SCLT1: variants seen among roughly 807,000 people sequenced by gnomAD.
The protein encoded by SCLT1 is sodium channel and clathrin linker 1, also known as sodium channel-associated protein 1.
A neutral mutation model predicts 112.8 loss-of-function variants in SCLT1; 78 were observed. The observed-to-expected ratio is 0.69, with a 90% CI of 0.58 to 0.83. SCLT1 has a LOEUF of 0.83. SCLT1 is among the 40% of genes least tolerant of loss of function. The pLI, the probability that SCLT1 is intolerant of heterozygous loss-of-function variation, is 0.00. For missense variants in SCLT1, 747 were observed against 770.4 expected, an observed-to-expected ratio of 0.97 and a Z score of 0.36; for synonymous variants, 257 against 254.7, an observed-to-expected ratio of 1.01 and a Z score of -0.09.
intron 4 of SCLT1, among the ~76,000 whole-genome samples, chr4:129,041,544 A>G (rs969928238): frequency 1.3e-5 from 2 of 152,180 alleles, no homozygotes; most frequent in Non-Finnish European, 2.9e-5. Context: ...AGCTCTAATC[A>G]TCTTATTCCC....
At chr4:128,912,933 T>G (rs924118996) in intron 18 of SCLT1, among the ~76,000 whole-genome samples, 1 of 152,218 alleles carries the variant, frequency 6.6e-6, no homozygotes, top group Admixed American at 6.5e-5. Flanking sequence ...AACTGCAATC[T>G]TGACTATTTA....
At chr4:128,909,806 T>C (rs1203607520) in intron 18 of SCLT1, among the ~76,000 whole-genome samples, 2 of 152,142 alleles carry the variant, frequency 1.3e-5, no homozygotes, top group Non-Finnish European at 2.9e-5. Flanking sequence ...GACTGGAGCA[T>C]AAAGAACTTG....
chr4:129,090,254 T>C (rs891689758), intron 1 of SCLT1, among the ~76,000 whole-genome samples: 1 of 152,138 alleles, frequency 6.6e-6, no homozygotes, highest in African/African-American at 2.4e-5. Context: ...CTGCAATAAT[T>C]AAGACAGTGG....
chr4:128,918,243 C>G (rs1042301004), intron 18 of SCLT1, among the ~76,000 whole-genome samples: 1 of 152,090 alleles, frequency 6.6e-6, no homozygotes, highest in African/African-American at 2.4e-5. Context: ...TGTCTGATGA[C>G]AGATATTGGA....
intron 1 of SCLT1, among the ~76,000 whole-genome samples, chr4:129,082,970 T>C (rs1255705296): frequency 6.6e-6 from 1 of 151,834 alleles, no homozygotes; most frequent in Non-Finnish European, 1.5e-5. Context: ...GGCAGATGGA[T>C]CACTTGAGGT....
intron 18 of SCLT1, among the ~76,000 whole-genome samples, chr4:128,895,503 C>A (rs948267835): frequency 6.6e-6 from 1 of 152,172 alleles, no homozygotes; most frequent in Non-Finnish European, 1.5e-5. Flanking sequence ...TTGTGTTTTT[C>A]GGATTTCCCA....
chr4:128,902,342 A>G (rs927896493), intron 18 of SCLT1, among the ~76,000 whole-genome samples: 4 of 152,210 alleles, frequency 2.6e-5, no homozygotes, highest in African/African-American at 9.7e-5. Context: ...TGTTGTATGA[A>G]CACCACAGAG....
chr4:129,063,553 G>A (rs1176183089), intron 2 of SCLT1, among the ~76,000 whole-genome samples: 1 of 152,206 alleles, frequency 6.6e-6, no homozygotes, highest in Non-Finnish European at 1.5e-5. Context: ...TCTAGGGGGT[G>A]CACATGACAG....
At chr4:129,015,068 T>G (rs191629550) in intron 5 of SCLT1, among the ~76,000 whole-genome samples, 1 of 152,046 alleles carries the variant, frequency 6.6e-6, no homozygotes, top group Non-Finnish European at 1.5e-5. Flanking sequence ...GAAGTATTAG[T>G]GCAACAGTGG....
rs566639161 is a variant in SCLT1 at position 129,079,621 on chromosome 4, T to C, written c.102+2685A>G. ...CTGCAGCTGCTTTCACAGTCTGGCA[T>C]TGAGTGCCTGAGGCTTTTCCAGGCA... On this transcript the variant is annotated intron_variant, in intron 2 of 20. Transcript: ENST00000281142. Among the ~76,000 whole-genome samples the C allele has an allele frequency of 3.3e-5, 5 of 152,332 alleles. No individual in the cohort carries two copies. In the East Asian group the frequency reaches 9.7e-4, roughly 29 times the overall value.
intron 18 of SCLT1, among the ~76,000 whole-genome samples, chr4:128,905,380 C>G (rs1263508511): frequency 6.6e-6 from 1 of 152,186 alleles, no homozygotes; most frequent in Admixed American, 6.5e-5. Context: ...ATTGCCAAAA[C>G]TACTGTAAAA....
intron 5 of SCLT1, among the ~76,000 whole-genome samples, chr4:129,029,780 G>C (rs997680032): frequency 6.6e-6 from 1 of 152,008 alleles, no homozygotes; most frequent in African/African-American, 2.4e-5. Flanking sequence ...CTAAATATAT[G>C]TGTACCAAAT....
intron 5 of SCLT1, among the ~76,000 whole-genome samples, chr4:129,026,514 C>T (rs1055284005): frequency 2.0e-5 from 3 of 151,914 alleles, no homozygotes; most frequent in Non-Finnish European, 2.9e-5. Flanking sequence ...AGAACAAAGA[C>T]ACAACATACC....
chr4:129,053,117 T>C (rs191117607), intron 2 of SCLT1, among the ~76,000 whole-genome samples: 8 of 152,354 alleles, frequency 5.3e-5, no homozygotes, highest in Admixed American at 3.3e-4. Flanking sequence ...TTCCATTCTT[T>C]TGAATTTGCT....
At chr4:128,877,525 C>T (rs1056002308) in intron 3 of SCLT1, among the ~76,000 whole-genome samples, 2 of 151,906 alleles carry the variant, frequency 1.3e-5, no homozygotes, top group African/African-American at 4.8e-5. Context: ...ACTAAAACTA[C>T]AAAAAATTAG....
At chr4:128,931,865 C>T (rs1184922996) in intron 18 of SCLT1, among the ~76,000 whole-genome samples, 1 of 152,014 alleles carries the variant, frequency 6.6e-6, no homozygotes, top group African/African-American at 2.4e-5. Context: ...GCTTTGAATC[C>T]TGTCTTCTGT....
chr4:129,028,414 C>A lies in SCLT1; in HGVS notation c.290+10627G>T, dbSNP rs554437814. On this transcript the variant is annotated intron_variant, in intron 5 of 20. Transcript: ENST00000281142. ...TGATCTTTGACAAACCTGAGAAAAA[C>A]AAGCAATGGGGAAAGGATTCCCTAT... 1.9e-3 allele frequency among the ~76,000 whole-genome samples: 290 copies of A among 152,186 alleles called. 1 individual carries two copies. The highest frequency in any genetic ancestry group is 6.7e-3 in the African/African-American group (280 of 41,512).
At chr4:129,074,072 T>C (rs1001990629) in intron 2 of SCLT1, among the ~76,000 whole-genome samples, 12 of 152,186 alleles carry the variant, frequency 7.9e-5, no homozygotes, top group Non-Finnish European at 1.6e-4. Flanking sequence ...TATATTTCTT[T>C]TGTCACCCTT....
In SCLT1 at chr4:128,888,419, T is replaced by C. The variant is rs1733055962; in HGVS notation, c.2004+260A>G. 3.9e-5 allele frequency among the ~76,000 whole-genome samples: 6 copies of C among 152,222 alleles called. No individual in the cohort carries two copies. In the South Asian group the frequency reaches 1.2e-3, roughly 32 times the overall value. On this transcript the variant is annotated intron_variant, in intron 20 of 20. Coordinates refer to ENST00000281142, the MANE Select transcript of SCLT1 (RefSeq NM_144643.4). ...TTTTTGTAGAGAAAAGGTATTGCCATGTTTTGCAGGATGGTCTTGAACTCC... is the reference window on the plus strand; with the variant it reads ...TTTTTGTAGAGAAAAGGTATTGCCACGTTTTGCAGGATGGTCTTGAACTCC...
Sources: gnomAD v4.1 joint callset for allele counts (sites outside exome capture counted in the v4.1 genomes callset) on GRCh38, gnomAD v4.1.1 for gene constraint, MANE v1.5 for transcripts, NCBI Gene and HGNC (gene_info 2026-07-23, HGNC 2026-07-21) for gene names.